EPHA7: variants seen among roughly 807,000 people sequenced by gnomAD.
EPHA7 encodes the protein ephrin type-A receptor 7.
Under a neutral mutation model 112.6 loss-of-function variants are expected in EPHA7, and 25 were observed. That is an observed-to-expected ratio of 0.22 (90% CI 0.16 to 0.31). EPHA7 has a LOEUF of 0.31. Among genes scored for constraint, EPHA7 ranks in the 10% least tolerant of loss-of-function variants. EPHA7 has a pLI of 1.00. For missense variants in EPHA7, 962 were observed against 1,212.6 expected, an observed-to-expected ratio of 0.79 and a Z score of 3.07; for synonymous variants, 437 against 406.5, an observed-to-expected ratio of 1.07 and a Z score of -0.90.
At chr6:93,289,729 TTC>T (rs1772262124) in intron 5 of EPHA7, among the ~76,000 whole-genome samples, 1 of 152,242 alleles carries the variant, frequency 6.6e-6, no homozygotes, top group Admixed American at 6.5e-5. Flanking sequence ...TGCAACCAAG[TTC>T]TCTCATTACA....
chr6:93,344,228 CAGAT>C (rs1407582682), intron 5 of EPHA7, among the ~76,000 whole-genome samples: 1 of 151,486 alleles, frequency 6.6e-6, no homozygotes, highest in East Asian at 1.9e-4. Context: ...TCTTAGATGA[CAGAT>C]AGTTATAAAT....
intron 3 of EPHA7, among the ~76,000 whole-genome samples, chr6:93,365,656 C>T (rs559653497): frequency 3.3e-5 from 5 of 152,168 alleles, no homozygotes; most frequent in African/African-American, 1.2e-4. Context: ...GAATGAACAG[C>T]GAGCAGGGAG....
intron 5 of EPHA7, among the ~76,000 whole-genome samples, chr6:93,343,085 T>C (rs2127924037): frequency 6.6e-6 from 1 of 151,886 alleles, no homozygotes; most frequent in Non-Finnish European, 1.5e-5. Context: ...CTACAACAGT[T>C]ACTACAAACC....
At chr6:93,400,271 T>C (rs1173738511) in intron 3 of EPHA7, among the ~76,000 whole-genome samples, 6 of 152,104 alleles carry the variant, frequency 3.9e-5, no homozygotes. Context: ...TTATTTTCTA[T>C]ATGAGAACTA....
intron 16 of EPHA7, 52 bp downstream of exon 16, chr6:93,245,246 G>A (rs1338923183): frequency 6.0e-6 from 9 of 1,501,432 alleles, no homozygotes; most frequent in Non-Finnish European, 7.3e-6. Context: ...TGTATAAAGT[G>A]TAGATTGTAC....
At chr6:93,412,773 A>AATGTGCT (rs1779041174) in intron 2 of EPHA7, among the ~76,000 whole-genome samples, 1 of 152,034 alleles carries the variant, frequency 6.6e-6, no homozygotes, top group Non-Finnish European at 1.5e-5. Flanking sequence ...TCCAAAGATA[A>AATGTGCT]ATGTGCTCCT....
At chr6:93,258,865 G>A (rs345729) in intron 10 of EPHA7, among the ~76,000 whole-genome samples, 14,530 of 151,302 alleles carry the variant, frequency 0.096, 780 homozygotes, top group Admixed American at 0.14. Context: ...TGTATAATTA[G>A]TATAAAAATA....
At chr6:93,288,414 T>C (rs1772182907) in intron 5 of EPHA7, among the ~76,000 whole-genome samples, 5 of 152,146 alleles carry the variant, frequency 3.3e-5, no homozygotes, top group Admixed American at 3.3e-4. Flanking sequence ...AGAATGGGAA[T>C]ACATGTAAAT....
chr6:93,275,711 C>T (rs1406533196), intron 5 of EPHA7, among the ~76,000 whole-genome samples: 1 of 151,832 alleles, frequency 6.6e-6, no homozygotes, highest in Non-Finnish European at 1.5e-5. Flanking sequence ...AAGCAAAAGT[C>T]TAATGACAGG....
At chr6:93,354,633 CAAA>C (rs35810853) in intron 5 of EPHA7, among the ~76,000 whole-genome samples, 1 of 98,360 alleles carries the variant, frequency 1.0e-5, no homozygotes, top group Non-Finnish European at 2.1e-5. Flanking sequence ...ACAAATAAAG[CAAA>C]AAAAAAAAAA....
intron 3 of EPHA7, among the ~76,000 whole-genome samples, chr6:93,386,712 C>T (rs1274019382): frequency 3.3e-5 from 5 of 152,152 alleles, no homozygotes; most frequent in Admixed American, 3.3e-4. Flanking sequence ...TGGGTGATTC[C>T]ATGCATCATC....
At chr6:93,269,844 T>G (rs574513743) in intron 6 of EPHA7, among the ~76,000 whole-genome samples, 184 bp from the exon 7 acceptor site, 2 of 151,808 alleles carry the variant, frequency 1.3e-5, no homozygotes, top group South Asian at 4.1e-4. Flanking sequence ...AACACATGCC[T>G]TTGTTATATA....
intron 3 of EPHA7, among the ~76,000 whole-genome samples, chr6:93,380,087 T>C (rs1777259583): frequency 6.6e-6 from 1 of 152,058 alleles, no homozygotes. Context: ...ACAGATTTCA[T>C]TCTCCAGCAA....
intron 5 of EPHA7, among the ~76,000 whole-genome samples, chr6:93,329,672 T>C (rs1430490533): frequency 6.6e-6 from 1 of 151,388 alleles, no homozygotes; most frequent in Non-Finnish European, 1.5e-5. Flanking sequence ...ACTTAGTAAC[T>C]TCATTGATTT....
chr6:93,405,813 G>GTATATATATATATATA (rs60882775), intron 3 of EPHA7, among the ~76,000 whole-genome samples: 2 of 73,982 alleles, frequency 2.7e-5, no homozygotes, highest in Non-Finnish European at 5.0e-5. Context: ...GTGTGTGTGT[G>GTATATATATATATATA]TATATATATA....
intron 5 of EPHA7, among the ~76,000 whole-genome samples, chr6:93,279,252 A>T (rs2127893992): frequency 6.6e-6 from 1 of 152,220 alleles, no homozygotes; most frequent in Non-Finnish European, 1.5e-5. Flanking sequence ...TACATGAATG[A>T]TATTTTTTGA....
At chr6:93,321,521 T>C (rs555960484) in intron 5 of EPHA7, among the ~76,000 whole-genome samples, 10 of 151,954 alleles carry the variant, frequency 6.6e-5, no homozygotes, top group Non-Finnish European at 1.3e-4. Context: ...ATATTTGTTT[T>C]GTTAGACACA....
At chr6:93,411,593 C>T (rs911708547) in intron 2 of EPHA7, among the ~76,000 whole-genome samples, 4 of 151,990 alleles carry the variant, frequency 2.6e-5, no homozygotes, top group Non-Finnish European at 5.9e-5. Flanking sequence ...ATCATACTTA[C>T]GATTACAGAG....
At chr6:93,364,167 T>C (rs1210472927) in intron 3 of EPHA7, among the ~76,000 whole-genome samples, 1 of 152,172 alleles carries the variant, frequency 6.6e-6, no homozygotes, top group Non-Finnish European at 1.5e-5. Flanking sequence ...AATCCATATA[T>C]TGTACACTTT....
Sources: allele counts gnomAD v4.1 joint callset (sites outside exome capture counted in the v4.1 genomes callset), GRCh38; gene constraint gnomAD v4.1.1; transcripts MANE v1.5; gene names NCBI Gene and HGNC (gene_info 2026-07-23, HGNC 2026-07-21).